The following PARP8 variants were observed in gnomAD, a reference collection of about 807,000 sequenced individuals.
PARP8 encodes the protein protein mono-ADP-ribosyltransferase PARP8.
In PARP8, 51 loss-of-function variants were observed where a neutral mutation model predicts 124.1. That is an observed-to-expected ratio of 0.41 (90% CI 0.33 to 0.52). The LOEUF (loss-of-function observed/expected upper bound fraction) is 0.52, where lower values mean the gene tolerates loss of function less well. PARP8 is among the 20% of genes least tolerant of loss of function. The pLI is 0.21. For missense variants in PARP8, 860 were observed against 1,018.9 expected (o/e 0.84, Z 2.12); for synonymous variants, 391 against 361.5 (o/e 1.08, Z -0.93).
At chr5:50,778,329 G>A (rs971400645) in intron 8 of PARP8, among the ~76,000 whole-genome samples, 200 bp downstream of exon 8, 3 of 152,046 alleles carry the variant, frequency 2.0e-5, no homozygotes, top group Admixed American at 6.6e-5. Flanking sequence ...TTTTTCTAAT[G>A]GTCTCTGAAA....
intron 18 of PARP8, among the ~76,000 whole-genome samples, chr5:50,826,296 A>G (rs889873353): frequency 6.6e-6 from 1 of 151,998 alleles, no homozygotes; most frequent in Non-Finnish European, 1.5e-5. Flanking sequence ...AAACCATTGT[A>G]TATATATCAG....
At chr5:50,831,372 G>A (rs1746962212) in intron 22 of PARP8, among the ~76,000 whole-genome samples, 1 of 152,086 alleles carries the variant, frequency 6.6e-6, no homozygotes, top group South Asian at 2.1e-4. Flanking sequence ...GCTGATGGAT[G>A]GGCTGCGCTG....
intron 21 of PARP8, among the ~76,000 whole-genome samples, chr5:50,828,765 G>A (rs1746623060): frequency 1.3e-5 from 2 of 151,270 alleles, no homozygotes; most frequent in South Asian, 2.1e-4. Flanking sequence ...AGGCGTGGTA[G>A]CACATGCCTA....
At chr5:50,815,375 A>C (rs556720402) in intron 14 of PARP8, 57 bp from the exon 15 acceptor site, 1 of 1,240,652 alleles carries the variant, frequency 8.1e-7, no homozygotes, top group Admixed American at 2.4e-5. Context: ...TGTGAATTTA[A>C]TTTTGATATT....
chr5:50,840,563 T>C (rs1748069359), intron 25 of PARP8, among the ~76,000 whole-genome samples: 1 of 151,824 alleles, frequency 6.6e-6, no homozygotes, highest in Non-Finnish European at 1.5e-5. Flanking sequence ...AGCAAAGTTA[T>C]ATAGAGAGAA....
At chr5:50,796,813 A>G (rs1397931780) in intron 12 of PARP8, among the ~76,000 whole-genome samples, 169 bp from the exon 13 acceptor site, 2 of 152,192 alleles carry the variant, frequency 1.3e-5, no homozygotes, top group Non-Finnish European at 2.9e-5. Flanking sequence ...GGTATTTATA[A>G]TAGAGTGAAT....
intron 14 of PARP8, among the ~76,000 whole-genome samples, chr5:50,804,994 G>C (rs73102813): frequency 0.027 from 4,047 of 152,090 alleles, 182 homozygotes; most frequent in African/African-American, 0.093. Context: ...CCAAGATTCA[G>C]CTGTTGATTC....
intron 2 of PARP8, among the ~76,000 whole-genome samples, chr5:50,672,163 C>A (rs1400915368): frequency 6.6e-6 from 1 of 152,200 alleles, no homozygotes; most frequent in East Asian, 1.9e-4. Context: ...AAGCCAGATT[C>A]TCTGAGAAGC....
chr5:50,729,306 G>A (rs1476275181), intron 2 of PARP8, among the ~76,000 whole-genome samples: 1 of 151,882 alleles, frequency 6.6e-6, no homozygotes, highest in African/African-American at 2.4e-5. Context: ...AGAGCATACA[G>A]GGGAAAAAAC....
chr5:50,700,252 G>A (rs1255576517), intron 2 of PARP8, among the ~76,000 whole-genome samples: 1 of 152,172 alleles, frequency 6.6e-6, no homozygotes, highest in African/African-American at 2.4e-5. Context: ...CTACTATGCT[G>A]AAAAGTGAAC....
chr5:50,813,271 A>G (rs1744689005), intron 14 of PARP8, among the ~76,000 whole-genome samples: 1 of 152,036 alleles, frequency 6.6e-6, no homozygotes, highest in African/African-American at 2.4e-5. Context: ...TATTTCGTTG[A>G]GCAGTGGTTT....
At chr5:50,692,874 C>A (rs537781501) in intron 2 of PARP8, among the ~76,000 whole-genome samples, 2 of 152,032 alleles carry the variant, frequency 1.3e-5, no homozygotes, top group African/African-American at 2.4e-5. Flanking sequence ...GGTTTTCCTG[C>A]CTGTATTCAT....
Position 50,775,192 on chromosome 5 carries a change from G to T in PARP8, c.519-2877G>T, listed in dbSNP as rs1230508446. Among the ~76,000 whole-genome samples the T allele has an allele frequency of 3.3e-5, 5 of 152,350 alleles. No individual in the cohort carries two copies. The East Asian group carries it at 7.7e-4, about 24-fold the overall frequency. Reference sequence around the variant, plus strand: ...AGAGGCTGTAATCTTAGCACTTTGGGAGGCCAAGCAGGTGGCTGGGAGGTG... The same window carrying T: ...AGAGGCTGTAATCTTAGCACTTTGGTAGGCCAAGCAGGTGGCTGGGAGGTG... On this transcript the variant is annotated intron_variant, in intron 7 of 25. Coordinates refer to ENST00000281631, the MANE Select transcript of PARP8 (RefSeq NM_024615.4).
chr5:50,833,442 A>G, intron 23 of PARP8: 1 of 454,442 alleles, frequency 2.2e-6, no homozygotes, highest in Non-Finnish European at 4.4e-6. Context: ...TTCTGGGAAA[A>G]TTAAAAAATC....
rs186126457 is a variant in PARP8 at position 50,695,617 on chromosome 5, C to T, written c.146+27492C>T. Among the ~76,000 whole-genome samples, 9 of 152,098 alleles carry T rather than the reference C, an allele frequency of 5.9e-5. No individual in the cohort carries two copies. The South Asian group carries it at 6.2e-4, about 11-fold the overall frequency. On this transcript the variant is annotated intron_variant, in intron 2 of 25. Transcript: ENST00000281631. ...TCATTTATATCCTGTGATTATTTTTCGATTTCATTCTAATATTTGCATCCT... is the reference window on the plus strand; with the variant it reads ...TCATTTATATCCTGTGATTATTTTTTGATTTCATTCTAATATTTGCATCCT...
Position 50,796,992 on chromosome 5 carries a change from C to G in PARP8, c.1439C>G (p.Ala480Gly). ...CTTTGCTTTTTATAGCCAAATGGTGCAAAATGCATTCCAGTACGAGACCGT... is the reference window on the plus strand; with the variant it reads ...CTTTGCTTTTTATAGCCAAATGGTGGAAAATGCATTCCAGTACGAGACCGT... The part of the protein sequence containing the change: ...SSSSQLAPNG[A>G]KCIPVRDRGF... Residue 480 changes from alanine (A) to glycine (G), a missense_variant, in exon 13 of 26, where the codon GCA becomes GGA. Coordinates refer to ENST00000281631, the MANE Select transcript of PARP8 (RefSeq NM_024615.4). The G allele has an allele frequency of 6.2e-7, 1 of 1,609,844 alleles. No individual in the cohort carries two copies.
At position 50,666,818 on chromosome 5, in the gene PARP8, C is replaced by A; in HGVS notation, c.-278C>A. On this transcript the variant is annotated 5_prime_UTR_variant, in exon 1 of 26. Transcript: ENST00000281631. The stretch of plus-strand genomic sequence containing the variant: ...AGTGAGACTTGGTGTCATCACCATC[C>A]ATTGTCAGAAGGGGAGGAAATTGGA... The A allele has an allele frequency of 8.1e-7, 1 of 1,238,782 alleles. No homozygotes were observed. The highest frequency in any genetic ancestry group is 1.0e-6 in the Non-Finnish European group (1 of 965,796). 76.7% of individuals were successfully genotyped at this position (1,238,782 alleles called of 1,614,324 possible). A position where few individuals can be genotyped will look rare whatever the true frequency, so the allele number is the denominator to read the frequency against.
chr5:50,673,676 GA>G (rs1750298603), intron 2 of PARP8, among the ~76,000 whole-genome samples: 1 of 152,232 alleles, frequency 6.6e-6, no homozygotes, highest in South Asian at 2.1e-4. Flanking sequence ...AATGGGGAGA[GA>G]TTGCTAATGG....
At chr5:50,724,238 A>G (rs1756189849) in intron 2 of PARP8, among the ~76,000 whole-genome samples, 1 of 152,156 alleles carries the variant, frequency 6.6e-6, no homozygotes, top group African/African-American at 2.4e-5. Context: ...ATGAACAAAT[A>G]AATATAGCTC....
Sources: gnomAD v4.1 joint callset for allele counts (sites outside exome capture counted in the v4.1 genomes callset) on GRCh38, gnomAD v4.1.1 for gene constraint, MANE v1.5 for transcripts, NCBI Gene and HGNC (gene_info 2026-07-23, HGNC 2026-07-21) for gene names.